LRP5: variants seen among roughly 807,000 people sequenced by gnomAD.
LRP5 encodes the protein low-density lipoprotein receptor-related protein 5.
LRP5 carries 62 observed loss-of-function variants against 154.1 expected under a neutral mutation model. That is an observed-to-expected ratio of 0.40 (90% CI 0.33 to 0.50). LRP5 has a LOEUF of 0.50. Among genes scored for constraint, LRP5 ranks in the 20% least tolerant of loss-of-function variants. The pLI is 0.55. For synonymous variants in LRP5, 966 were observed against 1,011.5 expected (o/e 0.96, Z 0.85); for missense variants, 1,915 against 2,336.7 (o/e 0.82, Z 3.72).
At chr11:68,329,854 G>C (rs2098601753) in intron 1 of LRP5, among the ~76,000 whole-genome samples, 1 of 152,202 alleles carries the variant, frequency 6.6e-6, no homozygotes, top group African/African-American at 2.4e-5. Flanking sequence ...CCGGGGGCTT[G>C]GCAAGGCAGG....
At chr11:68,343,366 T>TTG (rs143565554) in intron 1 of LRP5, among the ~76,000 whole-genome samples, 10 of 151,356 alleles carry the variant, frequency 6.6e-5, no homozygotes, top group Non-Finnish European at 8.9e-5. Context: ...CACTGTGTAT[T>TTG]TGTGTGTGTG....
At chr11:68,372,223 G>A (rs1377426120) in intron 5 of LRP5, among the ~76,000 whole-genome samples, 6 of 151,810 alleles carry the variant, frequency 4.0e-5, no homozygotes, top group Admixed American at 1.3e-4. Context: ...GGACCGTGGC[G>A]GTGAGGAGGT....
At chr11:68,421,181 C>G (rs376932211) in intron 13 of LRP5, among the ~76,000 whole-genome samples, 1 of 152,094 alleles carries the variant, frequency 6.6e-6, no homozygotes, top group East Asian at 1.9e-4. Context: ...GAGCCGAGAT[C>G]GCTTCACTGC....
chr11:68,330,504 A>G (rs1231308832), intron 1 of LRP5, among the ~76,000 whole-genome samples: 1 of 151,902 alleles, frequency 6.6e-6, no homozygotes, highest in Admixed American at 6.6e-5. Context: ...TCTCTGCCCG[A>G]CCCAGACAGT....
chr11:68,348,394 A>G lies in LRP5; in HGVS notation c.488+151A>G. The G allele has an allele frequency of 3.5e-6, 3 of 864,734 alleles. No individual in the cohort carries two copies. The South Asian group carries it at 5.2e-5, about 15-fold the overall frequency. 53.6% of individuals were successfully genotyped at this position (864,734 alleles called of 1,614,324 possible). On this transcript the variant is annotated intron_variant, in intron 2 of 22. Transcript: ENST00000294304. ...GGGGTTGGCTCAGGCCTGTAACCCCAGCACTCGGTGTGACTCTGAAAATGA... is the reference window on the plus strand; with the variant it reads ...GGGGTTGGCTCAGGCCTGTAACCCCGGCACTCGGTGTGACTCTGAAAATGA...
chr11:68,387,119 CT>C (rs57008632), intron 6 of LRP5, among the ~76,000 whole-genome samples: 10,703 of 144,310 alleles, frequency 0.074, 1,204 homozygotes, highest in African/African-American at 0.25. Flanking sequence ...CTCTTTTTTT[CT>C]TTTTTTTTTT....
intron 1 of LRP5, among the ~76,000 whole-genome samples, chr11:68,337,095 G>A (rs906388503): frequency 2.6e-5 from 4 of 152,262 alleles, no homozygotes; most frequent in Non-Finnish European, 5.9e-5. Context: ...ACTGTAGAAT[G>A]TGTTGGGGGT....
intron 1 of LRP5, among the ~76,000 whole-genome samples, chr11:68,313,570 T>C (rs1475367618): frequency 1.3e-5 from 2 of 152,214 alleles, no homozygotes; most frequent in African/African-American, 4.8e-5. Context: ...GGGGTGGAGT[T>C]GAGGTCAGGA....
At chr11:68,303,066 A>G in the LRP5 span, among the ~76,000 whole-genome samples, 1 of 152,176 alleles carries the variant, frequency 6.6e-6, no homozygotes, top group Admixed American at 6.5e-5. Context: ...AGAGAGAAGG[A>G]GCTGGCCTGG....
chr11:68,407,828 C>T (rs1369542770), intron 9 of LRP5, among the ~76,000 whole-genome samples: 1 of 151,786 alleles, frequency 6.6e-6, no homozygotes, highest in Non-Finnish European at 1.5e-5. Flanking sequence ...GCCTGGGCAA[C>T]CAAAGTGAAA....
At position 68,312,918 on chromosome 11, in the gene LRP5, G is replaced by C. The variant is rs868577420; in HGVS notation, c.91+113G>C. The C allele has an allele frequency of 8.9e-5, 47 of 529,512 alleles. 1 individual carries two copies. The Middle Eastern group carries it at 2.7e-3, about 30-fold the overall frequency. The allele number at this position is 529,512 out of a possible 1,614,324, so 32.8% of individuals were successfully genotyped here. ...CGTCTCGGAAGCGACTTGGCGAGTT[G>C]GGAGCGAGTTGGGGCGCGCGCCCGG... On this transcript the variant is annotated intron_variant, in intron 1 of 22. Transcript: ENST00000294304.
At chr11:68,300,957 G>A in the LRP5 span, among the ~76,000 whole-genome samples, 2 of 145,344 alleles carry the variant, frequency 1.4e-5, no homozygotes, top group Non-Finnish European at 1.5e-5. Flanking sequence ...AGAGAGTTTC[G>A]CTCTTGCTTT....
intron 1 of LRP5, among the ~76,000 whole-genome samples, chr11:68,323,926 G>A (rs1472345645): frequency 2.0e-5 from 3 of 152,164 alleles, no homozygotes; most frequent in South Asian, 2.1e-4. Flanking sequence ...GTGCCTCCCC[G>A]CAGCCGCCTG....
intron 7 of LRP5, among the ~76,000 whole-genome samples, chr11:68,401,365 C>T (rs928398098): frequency 3.3e-5 from 5 of 152,198 alleles, no homozygotes; most frequent in African/African-American, 1.2e-4. Flanking sequence ...CAGGCACGGT[C>T]GCAGGGGCTG....
chr11:68,386,173 G>GC lies in LRP5; in HGVS notation c.1016-142dup. ...AGTGACCATGTAGCATGGGCTGGGT[G>GC]CGTGTCACCTAACATCACCAGCCTT... On this transcript the variant is annotated intron_variant, in intron 5 of 22. Coordinates refer to ENST00000294304, the MANE Select transcript of LRP5 (RefSeq NM_002335.4). The surrounding 1 kb of genome is among the most constrained non-coding windows in gnomAD (Gnocchi z 7.9). 1 of 919,538 alleles carries GC rather than the reference G, an allele frequency of 1.1e-6. No individual in the cohort carries two copies. The highest frequency in any genetic ancestry group is 1.7e-6 in the Non-Finnish European group (1 of 582,738). The allele number at this position is 919,538 out of a possible 1,614,324, so 57.0% of individuals were successfully genotyped here. A position where few individuals can be genotyped will look rare whatever the true frequency, so the allele number is the denominator to read the frequency against.
At position 68,413,805 on chromosome 11, in the gene LRP5, A is replaced by T; in HGVS notation, c.2620A>T (p.Thr874Ser). Residue 874 changes from threonine (T) to serine (S), a missense_variant, in exon 12 of 23, where the codon ACT becomes TCT. Coordinates refer to ENST00000294304, the MANE Select transcript of LRP5 (RefSeq NM_002335.4). This position sits in a 1 kb window ranked among gnomAD's most constrained non-coding sequence, Gnocchi z 5.1. ...NLHSIERADK[T>S]SGRNRTLIQG... The stretch of plus-strand genomic sequence containing the variant: ...GCACAGCATTGAGCGGGCCGACAAG[A>T]CTAGCGGCCGGAACCGCACCCTCAT... 6.2e-7 allele frequency: 1 copy of T among 1,613,616 alleles called. No homozygotes were observed. The highest frequency in any genetic ancestry group is 8.5e-7 in the Non-Finnish European group (1 of 1,179,830).
rs1010402264 is a variant in LRP5 at position 68,411,367 on chromosome 11, C to T, written c.2319-69C>T. 2.6e-6 allele frequency: 4 copies of T among 1,546,306 alleles called. No homozygotes were observed. In the South Asian group the frequency reaches 3.4e-5, roughly 13 times the overall value. On this transcript the variant is annotated intron_variant, in intron 10 of 22. Coordinates refer to ENST00000294304, the MANE Select transcript of LRP5 (RefSeq NM_002335.4). Reference sequence around the variant, plus strand: ...TGAAGAGGTGGGGACAGTTGCGTCCCCCCGCCACCCACTGTCCTGCGGTGA... The same window carrying T: ...TGAAGAGGTGGGGACAGTTGCGTCCTCCCGCCACCCACTGTCCTGCGGTGA...
intron 5 of LRP5, among the ~76,000 whole-genome samples, chr11:68,366,718 G>T (rs2098631264): frequency 6.6e-6 from 1 of 152,194 alleles, no homozygotes; most frequent in Non-Finnish European, 1.5e-5. Context: ...GCCGGCTGCT[G>T]CAGGGGATGG....
intron 8 of LRP5, chr11:68,404,248 A>C (rs1036304108): frequency 4.6e-5 from 24 of 519,998 alleles, no homozygotes; most frequent in African/African-American, 3.8e-4. Flanking sequence ...TGGAGAGAGC[A>C]GCATCCAGGT....
Sources: gnomAD v4.1 joint callset for allele counts (sites outside exome capture counted in the v4.1 genomes callset) on GRCh38, gnomAD v4.1.1 for gene constraint, Gnocchi (gnomAD v3.1) non-coding constraint, MANE v1.5 for transcripts, NCBI Gene and HGNC (gene_info 2026-07-23, HGNC 2026-07-21) for gene names.